The following CLASP2 variants were observed in gnomAD, a reference collection of about 807,000 sequenced individuals.
CLASP2 encodes CLIP-associating protein 2.
Under a neutral mutation model 194.4 loss-of-function variants are expected in CLASP2, and 47 were observed. That is an observed-to-expected ratio of 0.24 (90% CI 0.19 to 0.31). The LOEUF is 0.31. Among genes scored for constraint, CLASP2 ranks in the 10% least tolerant of loss-of-function variants. The pLI, the probability that CLASP2 is intolerant of heterozygous loss-of-function variation, is 1.00. For synonymous variants in CLASP2, 619 were observed against 633.5 expected, an observed-to-expected ratio of 0.98 and a Z score of 0.34; for missense variants, 1,445 against 1,823.6, an observed-to-expected ratio of 0.79 and a Z score of 3.78.
chr3:33,496,822 T>G lies in CLASP2; in HGVS notation c.*1809A>C, dbSNP rs1172518722. On this transcript the variant is annotated 3_prime_UTR_variant, in exon 39 of 39. Transcript: ENST00000682230. ...TTACAGATAAGCTGTAATATATACA[T>G]GCGTATGTAGCTATATACCTTTGAT... 2 of 152,294 alleles carry G rather than the reference T, an allele frequency of 1.3e-5. No individual in the cohort carries two copies. Among genetic ancestry groups the G allele is most frequent in the African/African-American group, 2.4e-5 (1 of 41,468 alleles). The allele number at this position is 152,294 out of a possible 1,614,324, so 9.4% of individuals were successfully genotyped here.
In CLASP2 at chr3:33,699,510, C is replaced by T. The variant is rs73055647; in HGVS notation, c.196-2577G>A. On this transcript the variant is annotated intron_variant, in intron 1 of 38. Coordinates refer to ENST00000682230, the MANE Select transcript of CLASP2 (RefSeq NM_001365631.1). The stretch of plus-strand genomic sequence containing the variant: ...TAAATACACAAGTACAGAAGATTTC[C>T]GGCCAAAAAGTATGAGAGTAAGGAG... 3.1e-3 allele frequency among the ~76,000 whole-genome samples: 473 copies of T among 151,768 alleles called. 1 individual carries two copies. The highest frequency in any genetic ancestry group is 5.2e-3 in the Non-Finnish European group (352 of 67,868).
chr3:33,603,015 G>C lies in CLASP2; in HGVS notation c.1861C>G (p.Gln621Glu). ...AGAKAHHAAG[Q>E]SVRSGRLGAG... ...CCTAAGCGCCCGCTTCGCACAGACT[G>C]TCCAGCAGCATGATGTGCCTTGGCA... The change falls in exon 18 of 39, where the codon CAG becomes GAG. Residue 621 changes from glutamine (Q) to glutamate (E), a missense_variant. Around this residue, in one of 4 missense-constraint regions of CLASP2, gnomAD observed 174 missense variants for 179.0 expected, o/e 0.97. Coordinates refer to ENST00000682230, the MANE Select transcript of CLASP2 (RefSeq NM_001365631.1). The C allele has an allele frequency of 6.2e-7, 1 of 1,609,624 alleles. No individual in the cohort carries two copies. The highest frequency in any genetic ancestry group is 8.5e-7 in the Non-Finnish European group (1 of 1,177,824).
intron 8 of CLASP2, 68 bp from the exon 9 acceptor site, chr3:33,632,439 G>T: frequency 9.2e-7 from 1 of 1,091,114 alleles, no homozygotes; most frequent in Non-Finnish European, 1.3e-6. Context: ...ATGACAACAT[G>T]AAAAATAAAA....
At chr3:33,710,927 C>A (rs746888393) in intron 1 of CLASP2, among the ~76,000 whole-genome samples, 2 of 152,154 alleles carry the variant, frequency 1.3e-5, no homozygotes, top group Non-Finnish European at 2.9e-5. Context: ...GAGTGAGACT[C>A]CATCTCAAAA....
chr3:33,687,034 A>G (rs776090886), intron 5 of CLASP2, 26 bp downstream of exon 5: 1 of 1,382,046 alleles, frequency 7.2e-7, no homozygotes, highest in Non-Finnish European at 9.9e-7. Flanking sequence ...AAATCAGTCA[A>G]TGCTTGAATG....
At chr3:33,668,714 G>A (rs1024541512) in intron 6 of CLASP2, among the ~76,000 whole-genome samples, 24 of 152,136 alleles carry the variant, frequency 1.6e-4, no homozygotes, top group Non-Finnish European at 1.5e-4. Context: ...CAAAGCTCAC[G>A]TACCCAGAGT....
intron 21 of CLASP2, among the ~76,000 whole-genome samples, chr3:33,585,646 G>T (rs1353440008): frequency 6.6e-6 from 1 of 152,042 alleles, no homozygotes; most frequent in Non-Finnish European, 1.5e-5. Context: ...TTCTCTAGTG[G>T]TGATTTCTGA....
chr3:33,707,197 A>T (rs1276561867), intron 1 of CLASP2, among the ~76,000 whole-genome samples: 1 of 152,196 alleles, frequency 6.6e-6, no homozygotes, highest in Non-Finnish European at 1.5e-5. Flanking sequence ...GCAGTCAAAG[A>T]TTACTAGGGT....
chr3:33,663,601 A>G (rs545585065), intron 6 of CLASP2, 86 bp from the exon 7 acceptor site: 1 of 919,926 alleles, frequency 1.1e-6, no homozygotes, highest in South Asian at 1.5e-5. Context: ...ATTCCCTTAG[A>G]AAAAACAATT....
rs575092578 is a variant in CLASP2, at chr3:33,585,768, G to C, written c.2069-848C>G. 2.0e-5 allele frequency among the ~76,000 whole-genome samples: 3 copies of C among 151,682 alleles called. No individual in the cohort carries two copies. In the East Asian group the frequency reaches 5.8e-4, roughly 29 times the overall value. ...TTTACGGGACTACTGTCACATATGT[G>C]GTCACTGATTAAATGTGGTTATGCA... On this transcript the variant is annotated intron_variant, in intron 21 of 38. Coordinates refer to ENST00000682230, the MANE Select transcript of CLASP2 (RefSeq NM_001365631.1).
At chr3:33,672,343 G>C (rs776331657) in intron 6 of CLASP2, among the ~76,000 whole-genome samples, 3 of 152,342 alleles carry the variant, frequency 2.0e-5, no homozygotes, top group Non-Finnish European at 4.4e-5. Flanking sequence ...AGGGTCTGGA[G>C]TGGACCTCTA....
chr3:33,684,773 G>C (rs2090388101), intron 5 of CLASP2, among the ~76,000 whole-genome samples: 1 of 151,872 alleles, frequency 6.6e-6, no homozygotes, highest in Non-Finnish European at 1.5e-5. Context: ...GCCAAGGAGG[G>C]TGGATTGCCT....
At chr3:33,671,708 T>C (rs1447638748) in intron 6 of CLASP2, among the ~76,000 whole-genome samples, 1 of 152,156 alleles carries the variant, frequency 6.6e-6, no homozygotes, top group African/African-American at 2.4e-5. Context: ...GGGTGACAGA[T>C]GGCACCTGGA....
At chr3:33,577,868 G>C (rs1420291109) in intron 23 of CLASP2, among the ~76,000 whole-genome samples, 1 of 152,190 alleles carries the variant, frequency 6.6e-6, no homozygotes. Flanking sequence ...GGCATCATCT[G>C]TGAACAAAGG....
chr3:33,650,178 T>G (rs2082946081), intron 7 of CLASP2, among the ~76,000 whole-genome samples: 1 of 152,200 alleles, frequency 6.6e-6, no homozygotes, highest in East Asian at 1.9e-4. Flanking sequence ...AATAACCAAA[T>G]GCAATTTCTA....
chr3:33,684,747 C>T (rs1433714425), intron 5 of CLASP2, among the ~76,000 whole-genome samples: 2 of 151,984 alleles, frequency 1.3e-5, no homozygotes, highest in African/African-American at 4.8e-5. Flanking sequence ...TGCCTGTAAT[C>T]CCAGCACTTT....
intron 5 of CLASP2, among the ~76,000 whole-genome samples, chr3:33,685,782 G>A (rs1468883593): frequency 8.1e-6 from 1 of 123,276 alleles, no homozygotes; most frequent in South Asian, 2.9e-4. Flanking sequence ...ACAGAAAGGA[G>A]AATAGTGGTT....
chr3:33,658,182 C>T (rs1415244197), intron 7 of CLASP2, among the ~76,000 whole-genome samples: 2 of 152,174 alleles, frequency 1.3e-5, no homozygotes, highest in African/African-American at 4.8e-5. Context: ...TACTGGTTTG[C>T]TTTCTGTGCC....
intron 18 of CLASP2, among the ~76,000 whole-genome samples, chr3:33,597,895 G>A (rs192321379): frequency 1.2e-4 from 18 of 152,026 alleles, no homozygotes; most frequent in Admixed American, 7.9e-4. Context: ...TGGGACTAGA[G>A]GCATGTGCCA....
Sources: gnomAD v4.1 joint callset for allele counts (sites outside exome capture counted in the v4.1 genomes callset) on GRCh38, gnomAD v4.1.1 for gene constraint, gnomAD v4.1.1 regional missense constraint, MANE v1.5 for transcripts, NCBI Gene and HGNC (gene_info 2026-07-23, HGNC 2026-07-21) for gene names.